Variants in PDK1 observed in about 807,000 individuals in gnomAD.
PDK1 encodes the protein pyruvate dehydrogenase kinase 1.
A neutral mutation model predicts 54.2 loss-of-function variants in PDK1; 39 were observed. The observed-to-expected ratio is 0.72, with a 90% CI of 0.56 to 0.94. The LOEUF is 0.94. Among genes scored for constraint, PDK1 ranks in the 40% least tolerant of loss-of-function variants. The probability of loss-of-function intolerance (pLI) is 0.00; values close to 1 mark genes in which losing one functional copy is unlikely to be tolerated. For missense variants in PDK1, 552 were observed against 566.0 expected (o/e 0.98, Z 0.25); for synonymous variants, 221 against 207.1 (o/e 1.07, Z -0.58).
In PDK1 at chr2:172,556,294, C is replaced by A; in HGVS notation, c.144C>A (p.Phe48Leu). 2 of 1,510,560 alleles carry A rather than the reference C, an allele frequency of 1.3e-6. No homozygotes were observed. Among genetic ancestry groups the A allele is most frequent in the Non-Finnish European group, 1.8e-6 (2 of 1,135,246 alleles). 93.6% of individuals were successfully genotyped at this position (1,510,560 alleles called of 1,614,324 possible). The change falls in exon 1 of 11, where the codon TTC becomes TTA. Residue 48 changes from phenylalanine (F) to leucine (L), a missense_variant. By Grantham distance (22) the Phe-to-Leu change is conservative (BLOSUM62 0). Coordinates refer to ENST00000282077, the MANE Select transcript of PDK1 (RefSeq NM_002610.5). ...SERGVPGQVD[F>L]YARFSPSPLS... ...GCGGCGTTCCGGGCCAGGTGGACTT[C>A]TACGCGCGCTTCTCGCCGTCCCCGC...
At chr2:172,705,190 T>C in the PDK1 span, among the ~76,000 whole-genome samples, 3 of 152,196 alleles carry the variant, frequency 2.0e-5, no homozygotes, top group Non-Finnish European at 4.4e-5. Flanking sequence ...ATGTACAAAA[T>C]TTAATGCAAG....
the PDK1 span, among the ~76,000 whole-genome samples, chr2:172,686,468 A>G: frequency 7.2e-3 from 1,090 of 152,306 alleles, 18 homozygotes; most frequent in African/African-American, 0.025. Flanking sequence ...TGGACCAATC[A>G]GCACACTGTA....
the PDK1 span, among the ~76,000 whole-genome samples, chr2:172,687,335 G>T: frequency 6.8e-6 from 1 of 146,948 alleles, no homozygotes; most frequent in Non-Finnish European, 1.5e-5. Context: ...TATTTAAGAA[G>T]TTTTTTTTTT....
the PDK1 span, among the ~76,000 whole-genome samples, chr2:172,626,000 A>G: frequency 6.6e-6 from 1 of 152,222 alleles, no homozygotes; most frequent in Non-Finnish European, 1.5e-5. Context: ...GCAGCAGGTA[A>G]AAACATTTCC....
At chr2:172,668,833 G>T in the PDK1 span, among the ~76,000 whole-genome samples, 1 of 130,062 alleles carries the variant, frequency 7.7e-6, no homozygotes, top group African/African-American at 2.9e-5. Flanking sequence ...ACACACATAT[G>T]TATGTATATA....
the PDK1 span, among the ~76,000 whole-genome samples, chr2:172,638,004 T>C: frequency 6.6e-6 from 1 of 151,810 alleles, no homozygotes; most frequent in African/African-American, 2.4e-5. Flanking sequence ...CTGCATTTAT[T>C]TTTTTTTAAA....
chr2:172,721,296 T>G, the PDK1 span, among the ~76,000 whole-genome samples: 688 of 152,338 alleles, frequency 4.5e-3, no homozygotes, highest in African/African-American at 0.016. Flanking sequence ...AAAGGTGTTT[T>G]TGTTTGCTTT....
intron 9 of PDK1, among the ~76,000 whole-genome samples, chr2:172,588,064 A>G (rs1475427500): frequency 6.6e-6 from 1 of 152,208 alleles, no homozygotes; most frequent in Non-Finnish European, 1.5e-5. Flanking sequence ...CATAGCACAA[A>G]TGCTATGGCT....
At chr2:172,581,638 C>CCT (rs1358529752) in intron 8 of PDK1, among the ~76,000 whole-genome samples, 1 of 152,140 alleles carries the variant, frequency 6.6e-6, no homozygotes, top group Non-Finnish European at 1.5e-5. Context: ...CCTCTTGCAG[C>CCT]CTCTCTTTAC....
At chr2:172,558,582 G>A (rs1688481167) in intron 1 of PDK1, 126 bp from the exon 2 acceptor site, 2 of 776,906 alleles carry the variant, frequency 2.6e-6, no homozygotes, top group Non-Finnish European at 4.1e-6. Context: ...CCTATTCCCT[G>A]CCCCATCGTG....
downstream of PDK1, among the ~76,000 whole-genome samples, chr2:172,612,514 C>T (rs1042927939): frequency 1.4e-4 from 22 of 151,794 alleles, no homozygotes; most frequent in Non-Finnish European, 2.5e-4. Flanking sequence ...ATAAATTTCT[C>T]AAACACATGG....
At chr2:172,555,856 C>G (rs541353541), upstream of PDK1, 459 of 288,116 alleles carry the variant, frequency 1.6e-3, no homozygotes, top group Non-Finnish European at 2.6e-3. Flanking sequence ...GGGGCGGGAT[C>G]TGGGCGGCGG....
At chr2:172,564,263 C>CT (rs1688816373) in intron 3 of PDK1, 1 of 539,230 alleles carries the variant, frequency 1.9e-6, no homozygotes, top group Admixed American at 3.1e-5. Context: ...CAGCCTTACT[C>CT]TTAGGAAGCC....
At position 172,586,299 on chromosome 2, in the gene PDK1, G is replaced by A. The variant is rs373351437; in HGVS notation, c.967G>A (p.Val323Ile). 1.8e-5 allele frequency: 29 copies of A among 1,611,984 alleles called. No individual in the cohort carries two copies. Among genetic ancestry groups the A allele is most frequent in the African/African-American group, 2.7e-5 (2 of 74,856 alleles). ...TVKMSDRGGG[V>I]PLRKIDRLFN... Reference sequence around the variant, plus strand: ...TTAGATGAGTGACCGAGGAGGTGGCGTTCCTTTGAGGAAAATTGACAGACT... The same window carrying A: ...TTAGATGAGTGACCGAGGAGGTGGCATTCCTTTGAGGAAAATTGACAGACT... The change falls in exon 9 of 11, where the codon GTT becomes ATT. Residue 323 changes from valine to isoleucine, a missense_variant. Transcript: ENST00000282077.
At chr2:172,628,059 A>G in the PDK1 span, among the ~76,000 whole-genome samples, 3 of 152,222 alleles carry the variant, frequency 2.0e-5, no homozygotes, top group Non-Finnish European at 4.4e-5. Context: ...GAATCTGTCT[A>G]TGACCTATAA....
At chr2:172,693,513 A>G in the PDK1 span, among the ~76,000 whole-genome samples, 14 of 152,188 alleles carry the variant, frequency 9.2e-5, no homozygotes, top group Non-Finnish European at 1.6e-4. Context: ...GGTATATGTA[A>G]AATGCTTAGA....
the PDK1 span, among the ~76,000 whole-genome samples, chr2:172,699,807 G>C: frequency 2.0e-5 from 3 of 151,552 alleles, no homozygotes; most frequent in Non-Finnish European, 4.4e-5. Context: ...TCTCGTAGAG[G>C]GGGATTTGGC....
chr2:172,699,477 A>C, the PDK1 span, among the ~76,000 whole-genome samples: 4 of 106,476 alleles, frequency 3.8e-5, no homozygotes, highest in South Asian at 3.0e-4. Flanking sequence ...ACCTCATCTG[A>C]CTTTTTTTTT....
At chr2:172,694,570 T>C in the PDK1 span, among the ~76,000 whole-genome samples, 8 of 152,250 alleles carry the variant, frequency 5.3e-5, no homozygotes, top group South Asian at 4.1e-4. Flanking sequence ...GTTTGGTGAA[T>C]TGGTGTGTCT....
Sources: allele counts gnomAD v4.1 joint callset (sites outside exome capture counted in the v4.1 genomes callset), GRCh38; gene constraint gnomAD v4.1.1; transcripts MANE v1.5; gene names NCBI Gene and HGNC (gene_info 2026-07-23, HGNC 2026-07-21).